Variants in AKAP7 observed in about 807,000 individuals in gnomAD.
The protein encoded by AKAP7 is A-kinase anchoring protein 7.
In AKAP7, 39 loss-of-function variants were observed where a neutral mutation model predicts 39.5. The observed-to-expected ratio is 0.99, with a 90% CI of 0.76 to 1.29. The LOEUF is 1.29. Among genes scored for constraint, AKAP7 ranks in the 50% most tolerant of loss-of-function variants. The pLI is 0.00. For missense variants in AKAP7, 414 were observed against 407.7 expected, an observed-to-expected ratio of 1.02 and a Z score of -0.13; for synonymous variants, 140 against 139.1, an observed-to-expected ratio of 1.01 and a Z score of -0.05.
At chr6:131,239,736 G>T (rs1353088527) in intron 7 of AKAP7, among the ~76,000 whole-genome samples, 1 of 152,134 alleles carries the variant, frequency 6.6e-6, no homozygotes, top group Admixed American at 6.5e-5. Flanking sequence ...CATAGTTCTC[G>T]TGTCTTGGTT....
rs537707232 is a variant in AKAP7 at position 131,213,358 on chromosome 6, A to G, written c.703-6303A>G. ...AATTACTTAGTGTTAGAAAGTATTG[A>G]TTAGAAGGAAAAAGCTATTGCATTG... is the stretch of plus-strand genomic sequence containing the variant. On this transcript the variant is annotated intron_variant, in intron 6 of 7. Transcript: ENST00000431975. 1.6e-4 allele frequency among the ~76,000 whole-genome samples: 24 copies of G among 152,348 alleles called. No individual in the cohort carries two copies. In the South Asian group the frequency reaches 5.0e-3, roughly 32 times the overall value.
At chr6:131,238,047 C>T (rs1811222237) in intron 7 of AKAP7, among the ~76,000 whole-genome samples, 1 of 152,088 alleles carries the variant, frequency 6.6e-6, no homozygotes, top group African/African-American at 2.4e-5. Flanking sequence ...TCATTTAGTG[C>T]TATAAATTTC....
intron 7 of AKAP7, among the ~76,000 whole-genome samples, chr6:131,269,407 A>G (rs1292889051): frequency 6.6e-6 from 1 of 152,166 alleles, no homozygotes; most frequent in Non-Finnish European, 1.5e-5. Context: ...GTTCTGCACA[A>G]AATGACTTGG....
At chr6:131,162,163 A>ATG (rs1803034948) in intron 3 of AKAP7, among the ~76,000 whole-genome samples, 1 of 152,110 alleles carries the variant, frequency 6.6e-6, no homozygotes, top group African/African-American at 2.4e-5. Context: ...TGATGGGATG[A>ATG]TGTGCTGATG....
At chr6:131,235,250 T>C (rs1217683832) in intron 7 of AKAP7, among the ~76,000 whole-genome samples, 2 of 152,238 alleles carry the variant, frequency 1.3e-5, no homozygotes, top group Non-Finnish European at 2.9e-5. Flanking sequence ...TCATTTTTTA[T>C]GGCTACATAG....
chr6:131,222,948 A>G (rs1311543145), intron 7 of AKAP7, among the ~76,000 whole-genome samples: 1 of 152,222 alleles, frequency 6.6e-6, no homozygotes, highest in East Asian at 1.9e-4. Context: ...AACCTCCAGC[A>G]AGTACTACTC....
intron 7 of AKAP7, among the ~76,000 whole-genome samples, chr6:131,226,930 C>T (rs1810217195): frequency 1.3e-5 from 2 of 152,132 alleles, no homozygotes; most frequent in South Asian, 4.1e-4. Flanking sequence ...TCTCGGGTAT[C>T]ATGTGATACA....
chr6:131,164,621 A>G (rs56041062), intron 3 of AKAP7: 8,946 of 330,128 alleles, frequency 0.027, 174 homozygotes, highest in Non-Finnish European at 0.038. Context: ...TCACAGACAC[A>G]TTCACTTGGA....
chr6:131,204,917 A>G (rs1054903339), intron 6 of AKAP7, among the ~76,000 whole-genome samples: 1 of 152,062 alleles, frequency 6.6e-6, no homozygotes, highest in Non-Finnish European at 1.5e-5. Context: ...TTATATTTCA[A>G]TTTGACCTGC....
At chr6:131,151,662 C>T (rs967677246) in intron 2 of AKAP7, among the ~76,000 whole-genome samples, 1 of 152,054 alleles carries the variant, frequency 6.6e-6, no homozygotes, top group Non-Finnish European at 1.5e-5. Context: ...AGGAGAATCG[C>T]TTGAACCTAG....
At chr6:131,249,466 G>A (rs949365993) in intron 7 of AKAP7, among the ~76,000 whole-genome samples, 5 of 152,074 alleles carry the variant, frequency 3.3e-5, no homozygotes, top group African/African-American at 1.2e-4. Context: ...AACCACTTGA[G>A]GTGTTCAGCA....
intron 1 of AKAP7, among the ~76,000 whole-genome samples, chr6:131,143,370 T>A (rs115187517): frequency 3.2e-4 from 48 of 152,288 alleles, no homozygotes; most frequent in African/African-American, 1.1e-3. Flanking sequence ...AATGAGTTCA[T>A]GTGAGATCTG....
intron 7 of AKAP7, among the ~76,000 whole-genome samples, chr6:131,232,948 C>T (rs1810749439): frequency 7.2e-6 from 1 of 138,152 alleles, no homozygotes; most frequent in Non-Finnish European, 1.6e-5. Context: ...TAAAGATTTG[C>T]ATTATTCCTA....
At chr6:131,173,310 T>C (rs1384181648) in intron 5 of AKAP7, among the ~76,000 whole-genome samples, 1 of 152,140 alleles carries the variant, frequency 6.6e-6, no homozygotes, top group Non-Finnish European at 1.5e-5. Context: ...ATTTAACTTG[T>C]GTCTTTGGGT....
chr6:131,154,060 A>C (rs1802189446), intron 2 of AKAP7, among the ~76,000 whole-genome samples: 1 of 152,026 alleles, frequency 6.6e-6, no homozygotes, highest in South Asian at 2.1e-4. Context: ...AAATACAAAA[A>C]ATTAGCTGGG....
chr6:131,269,777 T>C (rs1265830830), intron 7 of AKAP7, among the ~76,000 whole-genome samples: 1 of 152,224 alleles, frequency 6.6e-6, no homozygotes, highest in Admixed American at 6.5e-5. Context: ...GTCATATTTA[T>C]GCTCAGAAAC....
chr6:131,231,428 C>A (rs1026539017), intron 7 of AKAP7, among the ~76,000 whole-genome samples: 1 of 151,548 alleles, frequency 6.6e-6, no homozygotes, highest in East Asian at 1.9e-4. Flanking sequence ...CTACTTAGAC[C>A]GATTAAGATG....
At chr6:131,130,839 G>A (rs1044558249), upstream of AKAP7, among the ~76,000 whole-genome samples, 1 of 152,154 alleles carries the variant, frequency 6.6e-6, no homozygotes, top group African/African-American at 2.4e-5. Context: ...TTTCACAAAG[G>A]ACTGGCGTCT....
At chr6:131,209,343 T>C (rs1808430880) in intron 6 of AKAP7, among the ~76,000 whole-genome samples, 1 of 152,012 alleles carries the variant, frequency 6.6e-6, no homozygotes, top group Non-Finnish European at 1.5e-5. Context: ...TTCTGCCTCC[T>C]GGGTTCACGC....
Sources: allele counts gnomAD v4.1 joint callset (sites outside exome capture counted in the v4.1 genomes callset), GRCh38; gene constraint gnomAD v4.1.1; transcripts MANE v1.5; gene names NCBI Gene and HGNC (gene_info 2026-07-23, HGNC 2026-07-21).